The following TRIM13 variants were observed in gnomAD, a reference collection of about 807,000 sequenced individuals.
TRIM13 encodes the protein tripartite motif containing 13, also known as E3 ubiquitin-protein ligase TRIM13.
TRIM13 carries 15 observed loss-of-function variants against 27.1 expected under a neutral mutation model. The ratio of observed to expected loss-of-function variants is 0.55; its 90% CI spans 0.37 to 0.85. TRIM13 has a LOEUF of 0.85. Ranked by LOEUF, TRIM13 falls within the 40% of genes least tolerant of loss-of-function variation. TRIM13 has a pLI of 0.00. For missense variants in TRIM13, 402 were observed against 472.2 expected (o/e 0.85, Z 1.38); for synonymous variants, 193 against 171.5 (o/e 1.13, Z -0.98).
chr13:50,012,016 T>C lies in TRIM13; in HGVS notation c.76T>C (p.Ser26Pro). The change falls in exon 2 of 2, where the codon TCC (serine) becomes CCC (proline). Residue 26 changes from serine to proline, a missense_variant. This residue lies in a region of TRIM13 where 202 missense variants were observed against 277.5 expected (regional missense o/e 0.73). Coordinates refer to ENST00000378182, the MANE Select transcript of TRIM13 (RefSeq NM_213590.3). ...LFDDPRVLPC[S>P]HNFCKKCLEG... The stretch of plus-strand genomic sequence containing the variant: ...TGATGATCCACGGGTTTTGCCTTGC[T>C]CCCACAACTTCTGCAAAAAATGCTT... The C allele has an allele frequency of 6.2e-7, 1 of 1,614,078 alleles. No homozygotes were observed. Among genetic ancestry groups the C allele is most frequent in the Non-Finnish European group, 8.5e-7 (1 of 1,179,998 alleles).
chr13:50,004,103 G>A (rs1480594367), intron 1 of TRIM13, among the ~76,000 whole-genome samples: 1 of 152,156 alleles, frequency 6.6e-6, no homozygotes, highest in Non-Finnish European at 1.5e-5. Context: ...ACTTTAAGTT[G>A]AAATTTGAAC....
At position 50,013,108 on chromosome 13, in the gene TRIM13, A is replaced by G. The variant is rs779440936; in HGVS notation, c.1168A>G (p.Thr390Ala). The G allele has an allele frequency of 3.7e-6, 6 of 1,612,432 alleles. No individual in the cohort carries two copies. The highest frequency in any genetic ancestry group is 4.5e-5 in the East Asian group (2 of 44,852). ...FIFNERFKNFTLVVLNNVAEF... is the reference protein window; with the variant it reads ...FIFNERFKNFALVVLNNVAEF... Reference sequence around the variant, plus strand: ...TTTCAATGAAAGATTCAAGAATTTTACTTTGGTGGTACTGAACAATGTGGC... The same window carrying G: ...TTTCAATGAAAGATTCAAGAATTTTGCTTTGGTGGTACTGAACAATGTGGC... Residue 390 changes from threonine to alanine, a missense_variant, in exon 2 of 2, where the codon ACT (threonine) becomes GCT (alanine). By Grantham distance (58) the Thr-to-Ala change is moderately conservative. Around this residue, in one of 2 missense-constraint regions of TRIM13, gnomAD observed 200 missense variants for 194.7 expected, o/e 1.03. Coordinates refer to ENST00000378182, the MANE Select transcript of TRIM13 (RefSeq NM_213590.3).
Position 50,015,092 on chromosome 13 carries a change from AAAATATAT to A in TRIM13, c.*1930_*1937del, listed in dbSNP as rs60457674. 2.6e-4 allele frequency: 6 copies of A among 23,420 alleles called. No homozygotes were observed. Among genetic ancestry groups the A allele is most frequent in the African/African-American group, 5.0e-4 (3 of 5,958 alleles). The allele number at this position is 23,420 out of a possible 1,614,324, so 1.5% of individuals were successfully genotyped here. On this transcript the variant is annotated 3_prime_UTR_variant, in exon 2 of 2. Transcript: ENST00000378182. ...CCCAGTAATAAAAAAAAAAAAAAAA[AAAATATAT>A]ATATATATATATATATATATATATA... is the stretch of plus-strand genomic sequence containing the variant.
rs1876325502 is a variant in TRIM13, at chr13:50,015,097, ATATATATATATATATATATATAT to A, written c.*1934_*1956del. 2.9e-4 allele frequency: 1 copy of A among 3,418 alleles called. No homozygotes were observed. Among genetic ancestry groups the A allele is most frequent in the African/African-American group, 6.3e-4 (1 of 1,580 alleles). 0.2% of individuals were successfully genotyped at this position (3,418 alleles called of 1,614,324 possible). On this transcript the variant is annotated 3_prime_UTR_variant, in exon 2 of 2. Coordinates refer to ENST00000378182, the MANE Select transcript of TRIM13 (RefSeq NM_213590.3). The stretch of plus-strand genomic sequence containing the variant: ...TAATAAAAAAAAAAAAAAAAAAAAT[ATATATATATATATATATATATAT>A]ATATATATATATATATATATATATA...
At chr13:50,006,194 T>C (rs1382616474) in intron 1 of TRIM13, among the ~76,000 whole-genome samples, 1 of 152,144 alleles carries the variant, frequency 6.6e-6, no homozygotes, top group Non-Finnish European at 1.5e-5. Context: ...AGCTGTATGT[T>C]GATCATGACC....
chr13:50,003,890 C>CT (rs1874350185), intron 1 of TRIM13, among the ~76,000 whole-genome samples: 1 of 152,120 alleles, frequency 6.6e-6, no homozygotes, highest in Non-Finnish European at 1.5e-5. Context: ...ACAAGTTTGA[C>CT]TTTTTTCCGC....
chr13:49,999,704 A>G (rs921271795), intron 1 of TRIM13, among the ~76,000 whole-genome samples: 1 of 152,202 alleles, frequency 6.6e-6, no homozygotes, highest in East Asian at 1.9e-4. Flanking sequence ...TATGAAGGAT[A>G]AAACTGGTGC....
intron 1 of TRIM13, among the ~76,000 whole-genome samples, chr13:50,003,573 C>CAT (rs1426447777): frequency 6.6e-6 from 1 of 152,130 alleles, no homozygotes; most frequent in East Asian, 1.9e-4. Context: ...AAGTCCAATA[C>CAT]ATATATATAA....
At position 50,015,084 on chromosome 13, in the gene TRIM13, AAAAAAAAAAAATATAT is replaced by A. The variant is rs1876228137; in HGVS notation, c.*1922_*1937del. The A allele has an allele frequency of 3.7e-5, 2 of 54,736 alleles. No homozygotes were observed. The highest frequency in any genetic ancestry group is 1.9e-4 in the African/African-American group (2 of 10,662). The allele number at this position is 54,736 out of a possible 1,614,324, so 3.4% of individuals were successfully genotyped here. ...TTTCCCCTCCCAGTAATAAAAAAAAAAAAAAAAAAAATATATATATATATATATATATATATATATA... is the reference window on the plus strand; with the variant it reads ...TTTCCCCTCCCAGTAATAAAAAAAAAATATATATATATATATATATATATA... On this transcript the variant is annotated 3_prime_UTR_variant, in exon 2 of 2. Transcript: ENST00000378182.
chr13:50,015,275 T>A lies in TRIM13; in HGVS notation c.*2111T>A, dbSNP rs556238178. The A allele has an allele frequency of 1.4e-4, 63 of 439,428 alleles. No individual in the cohort carries two copies. Among genetic ancestry groups the A allele is most frequent in the East Asian group, 7.2e-4 (20 of 27,608 alleles). The allele number at this position is 439,428 out of a possible 1,614,324, so 27.2% of individuals were successfully genotyped here. On this transcript the variant is annotated 3_prime_UTR_variant, in exon 2 of 2. Coordinates refer to ENST00000378182, the MANE Select transcript of TRIM13 (RefSeq NM_213590.3). ...ATTTAGTTCCTCATCTGTTGCTTTT[T>A]CATTTTGTATACTGCAAGTTCCCAG...
At chr13:50,010,475 C>A (rs1186586145) in intron 1 of TRIM13, among the ~76,000 whole-genome samples, 1 of 152,168 alleles carries the variant, frequency 6.6e-6, no homozygotes, top group Non-Finnish European at 1.5e-5. Flanking sequence ...ATCTTTTACC[C>A]ATGCCTGATT....
chr13:50,016,050 C>T lies in TRIM13; in HGVS notation c.*2886C>T, dbSNP rs1157678442. ...TTCCAGTGTGGTTCTGACAGCACTACTGATAACCAAACTGGAGTCAGGTAT... is the reference window on the plus strand; with the variant it reads ...TTCCAGTGTGGTTCTGACAGCACTATTGATAACCAAACTGGAGTCAGGTAT... On this transcript the variant is annotated 3_prime_UTR_variant, in exon 2 of 2. Transcript: ENST00000378182. 1.9e-6 allele frequency: 3 copies of T among 1,613,026 alleles called. No individual in the cohort carries two copies. Among genetic ancestry groups the T allele is most frequent in the African/African-American group, 1.3e-5 (1 of 74,912 alleles).
In TRIM13 at chr13:50,013,004, G is replaced by C. The variant is rs1056543; in HGVS notation, c.1064G>C (p.Ser355Thr). ...TGGAAAGGCTGTCTTTCAAACTTCA[G>C]TTCCTATCTGACTAAAACAGCCGAT... ...ATWKGCLSNF[S>T]SYLTKTADFI... Residue 355 changes from serine (S) to threonine (T), a missense_variant, in exon 2 of 2, where the codon AGT (serine) becomes ACT (threonine). Ser to Thr is a moderately conservative substitution (Grantham distance 58). This residue lies in a region of TRIM13 where 200 missense variants were observed against 194.7 expected (regional missense o/e 1.03). Coordinates refer to ENST00000378182, the MANE Select transcript of TRIM13 (RefSeq NM_213590.3). 25,845 of 1,613,786 alleles carry C rather than the reference G, an allele frequency of 0.016. 351 individuals are homozygous for C. Among genetic ancestry groups the C allele is most frequent in the African/African-American group, 0.066 (4,979 of 74,922 alleles).
chr13:50,015,096 T>A lies in TRIM13; in HGVS notation c.*1932T>A, dbSNP rs1224776370. 5.3e-3 allele frequency: 261 copies of A among 49,610 alleles called. 6 individuals are homozygous for A. The highest frequency in any genetic ancestry group is 0.03 in the African/African-American group (245 of 8,180). The allele number at this position is 49,610 out of a possible 1,614,324, so 3.1% of individuals were successfully genotyped here. A position where few individuals can be genotyped will look rare whatever the true frequency, so the allele number is the denominator to read the frequency against. ...GTAATAAAAAAAAAAAAAAAAAAAA[T>A]ATATATATATATATATATATATATA... On this transcript the variant is annotated 3_prime_UTR_variant, in exon 2 of 2. Coordinates refer to ENST00000378182, the MANE Select transcript of TRIM13 (RefSeq NM_213590.3).
Position 49,998,734 on chromosome 13 carries a change from G to T in TRIM13, c.-7+971G>T, listed in dbSNP as rs557911305. Reference sequence around the variant, plus strand: ...ACTTGAGGTCAGGAGTTCAAGACCAGCCTGACCAATATGGTGAAATCCCAT... The same window carrying T: ...ACTTGAGGTCAGGAGTTCAAGACCATCCTGACCAATATGGTGAAATCCCAT... On this transcript the variant is annotated intron_variant, in intron 1 of 1. Coordinates refer to ENST00000378182, the MANE Select transcript of TRIM13 (RefSeq NM_213590.3). Among the ~76,000 whole-genome samples the T allele has an allele frequency of 2.0e-5, 3 of 151,964 alleles. No individual in the cohort carries two copies. The South Asian group carries it at 6.3e-4, about 32-fold the overall frequency.
At position 50,013,128 on chromosome 13, in the gene TRIM13, T is replaced by C. The variant is rs933845462; in HGVS notation, c.1188T>C (p.Asn396=). 6.3e-7 allele frequency: 1 copy of C among 1,588,732 alleles called. No individual in the cohort carries two copies. The highest frequency in any genetic ancestry group is 1.4e-5 in the African/African-American group (1 of 73,530). The change falls in exon 2 of 2, where the codon AAT becomes AAC. Residue 396 remains asparagine, a synonymous_variant. Coordinates refer to ENST00000378182, the MANE Select transcript of TRIM13 (RefSeq NM_213590.3). ...FKNFTLVVLN[N]VAEFVCKYKL... ...ATTTTACTTTGGTGGTACTGAACAA[T>C]GTGGCAGAATTTGTGTGCAAATATA...
chr13:50,010,040 C>CTT (rs760914119), intron 1 of TRIM13, among the ~76,000 whole-genome samples: 158 of 117,090 alleles, frequency 1.3e-3, no homozygotes, highest in Middle Eastern at 4.7e-3. Flanking sequence ...GTAATTTAAT[C>CTT]TTTTTTTTTT....
At chr13:50,005,820 C>T (rs1290597406) in intron 1 of TRIM13, among the ~76,000 whole-genome samples, 3 of 149,016 alleles carry the variant, frequency 2.0e-5, no homozygotes, top group Non-Finnish European at 4.4e-5. Flanking sequence ...CGGGTTCAAG[C>T]GATTCTCCTG....
In TRIM13 at chr13:50,012,676, A is replaced by C; in HGVS notation, c.736A>C (p.Ile246Leu). 6.2e-7 allele frequency: 1 copy of C among 1,614,100 alleles called. No individual in the cohort carries two copies. The highest frequency in any genetic ancestry group is 2.2e-5 in the East Asian group (1 of 44,884). ...AEAFKDVSEP[I>L]VFLQQMQEFR... is the part of the protein sequence containing the mutation. ...GGCTTTCAAAGATGTGTCAGAACCC[A>C]TTGTATTTCTGCAACAGATGCAGGA... The change falls in exon 2 of 2, where the codon ATT becomes CTT. Residue 246 changes from isoleucine (I) to leucine (L), a missense_variant. Transcript: ENST00000378182.
Sources: gnomAD v4.1 joint callset for allele counts (sites outside exome capture counted in the v4.1 genomes callset) on GRCh38, gnomAD v4.1.1 for gene constraint, gnomAD v4.1.1 regional missense constraint, MANE v1.5 for transcripts, NCBI Gene and HGNC (gene_info 2026-07-23, HGNC 2026-07-21) for gene names.